TET1: variants seen among roughly 807,000 people sequenced by gnomAD.
TET1 encodes tet methylcytosine dioxygenase 1.
A neutral mutation model predicts 148.7 loss-of-function variants in TET1; 13 were observed. That is an observed-to-expected ratio of 0.09 (90% CI 0.06 to 0.14). The LOEUF (loss-of-function observed/expected upper bound fraction) is 0.14, where lower values mean the gene tolerates loss of function less well. Ranked by LOEUF, TET1 falls within the 10% of genes least tolerant of loss-of-function variation. The pLI is 1.00. For synonymous variants in TET1, 907 were observed against 937.2 expected (o/e 0.97, Z 0.59); for missense variants, 2,182 against 2,553.8 (o/e 0.85, Z 3.14).
At chr10:68,614,707 C>G (rs996544918) in intron 3 of TET1, among the ~76,000 whole-genome samples, 20 of 152,108 alleles carry the variant, frequency 1.3e-4, no homozygotes, top group African/African-American at 4.1e-4. Flanking sequence ...AGTTCTCGTG[C>G]CTGAGTCTCT....
chr10:68,657,222 G>A (rs908494809), intron 6 of TET1, among the ~76,000 whole-genome samples: 16 of 151,900 alleles, frequency 1.1e-4, no homozygotes, highest in Non-Finnish European at 1.8e-4. Flanking sequence ...TGTCGCCCAG[G>A]CTGGAGTGCA....
Position 68,645,154 on chromosome 10 carries a change from A to T in TET1, c.2425A>T (p.Thr809Ser), listed in dbSNP as rs766431300. ...TAAAAACGCTATGAGCTCTGTTGCTACTGATATGAGTTGTGATCATCTCAA... is the reference window on the plus strand; with the variant it reads ...TAAAAACGCTATGAGCTCTGTTGCTTCTGATATGAGTTGTGATCATCTCAA... ...NHKNAMSSVA[T>S]DMSCDHLKGR... The change falls in exon 4 of 12, where the codon ACT becomes TCT. Residue 809 changes from threonine (T) to serine (S), a missense_variant. This residue lies in a region of TET1 where 226 missense variants were observed against 307.4 expected (regional missense o/e 0.74). Transcript: ENST00000373644. The T allele has an allele frequency of 2.5e-5, 40 of 1,614,054 alleles. No individual in the cohort carries two copies. Among genetic ancestry groups the T allele is most frequent in the Non-Finnish European group, 3.4e-5 (40 of 1,179,982 alleles).
intron 3 of TET1, among the ~76,000 whole-genome samples, chr10:68,637,287 G>A (rs1046127352): frequency 2.0e-5 from 3 of 151,886 alleles, no homozygotes; most frequent in African/African-American, 7.3e-5. Context: ...ACTGCTCCTG[G>A]CCAGCTTTCT....
chr10:68,644,403 A>G (rs7909781), intron 3 of TET1, among the ~76,000 whole-genome samples: 29,608 of 151,890 alleles, frequency 0.19, 3,683 homozygotes, highest in African/African-American at 0.35. Flanking sequence ...ACTGGGTTTC[A>G]CCATCTTGCT....
At position 68,690,869 on chromosome 10, in the gene TET1, A is replaced by T; in HGVS notation, c.5466A>T (p.Leu1822Phe). 1 of 1,614,126 alleles carries T rather than the reference A, an allele frequency of 6.2e-7. No individual in the cohort carries two copies. The highest frequency in any genetic ancestry group is 1.7e-5 in the Admixed American group (1 of 60,016). ...VKSETEPHFI[L>F]KSSDNTKTYS... is the part of the protein sequence containing the mutation. ...GTGAAACCGAACCCCATTTTATCTT[A>T]AAAAGTTCAGACAACACTAAAACTT... The change falls in exon 12 of 12, where the codon TTA becomes TTT. Residue 1822 changes from leucine to phenylalanine, a missense_variant. Leu to Phe is a conservative substitution (Grantham distance 22). Transcript: ENST00000373644.
intron 6 of TET1, among the ~76,000 whole-genome samples, chr10:68,657,688 G>A (rs2055045676): frequency 6.6e-6 from 1 of 152,086 alleles, no homozygotes; most frequent in Admixed American, 6.6e-5. Flanking sequence ...GAAATAGTAT[G>A]GCTATGGTAT....
intron 8 of TET1, among the ~76,000 whole-genome samples, chr10:68,679,241 A>G (rs1249765307): frequency 6.6e-6 from 1 of 152,166 alleles, no homozygotes; most frequent in Non-Finnish European, 1.5e-5. Flanking sequence ...ACAAACTATG[A>G]GTTGCTTCTA....
chr10:68,564,156 CT>C (rs775525720), intron 1 of TET1, among the ~76,000 whole-genome samples: 311 of 137,812 alleles, frequency 2.3e-3, no homozygotes, highest in Non-Finnish European at 2.6e-3. Context: ...CTATTGTTTT[CT>C]TTTTTTTTTT....
intron 11 of TET1, among the ~76,000 whole-genome samples, chr10:68,689,428 C>A (rs545612874): frequency 6.6e-6 from 1 of 152,140 alleles, no homozygotes. Flanking sequence ...AGGGGCTAGG[C>A]GTGGTGGCTC....
At chr10:68,640,330 C>T (rs1222043627) in intron 3 of TET1, among the ~76,000 whole-genome samples, 1 of 151,200 alleles carries the variant, frequency 6.6e-6, no homozygotes, top group Non-Finnish European at 1.5e-5. Context: ...GTGGCTCAAT[C>T]TCGGCTCACT....
At chr10:68,680,730 C>T (rs948398597) in intron 8 of TET1, among the ~76,000 whole-genome samples, 2 of 152,212 alleles carry the variant, frequency 1.3e-5, no homozygotes, top group Non-Finnish European at 2.9e-5. Flanking sequence ...TAATGGTCCT[C>T]ATAGTCCTTC....
At chr10:68,643,638 T>C (rs955366586) in intron 3 of TET1, among the ~76,000 whole-genome samples, 1 of 151,826 alleles carries the variant, frequency 6.6e-6, no homozygotes, top group Non-Finnish European at 1.5e-5. Flanking sequence ...CTGGCCAACA[T>C]TGTGAAACCC....
Position 68,573,437 on chromosome 10 carries a change from C to G in TET1, c.1099C>G (p.Gln367Glu). ...EVSDTTSFLGQAFGAIPHQWE... is the reference protein window; with the variant it reads ...EVSDTTSFLGEAFGAIPHQWE... ...TTCTGATACCACCTCTTTCCTAGGA[C>G]AGGCCTTTGGTGCTATCCCACATCA... Residue 367 changes from glutamine to glutamate, a missense_variant, in exon 2 of 12, where the codon CAG becomes GAG. This residue lies in a region of TET1 where 665 missense variants were observed against 672.4 expected (regional missense o/e 0.99). Transcript: ENST00000373644. 6.2e-7 allele frequency: 1 copy of G among 1,614,206 alleles called. No homozygotes were observed. The highest frequency in any genetic ancestry group is 8.5e-7 in the Non-Finnish European group (1 of 1,180,036).
chr10:68,614,130 T>G (rs1420117176), intron 3 of TET1, among the ~76,000 whole-genome samples: 1 of 152,192 alleles, frequency 6.6e-6, no homozygotes, highest in East Asian at 1.9e-4. Context: ...CATGAGAAAT[T>G]TAATCCACCT....
intron 2 of TET1, among the ~76,000 whole-genome samples, chr10:68,599,074 T>A (rs2054021933): frequency 6.6e-6 from 1 of 152,192 alleles, no homozygotes; most frequent in Non-Finnish European, 1.5e-5. Context: ...AAACAACGCA[T>A]GCCGGACTTC....
At chr10:68,652,845 A>ATTTTTTTTTTTTTT (rs71019047) in intron 6 of TET1, among the ~76,000 whole-genome samples, 2 of 101,214 alleles carry the variant, frequency 2.0e-5, no homozygotes, top group Non-Finnish European at 3.7e-5. Context: ...AACCCGGCTA[A>ATTTTTTTTTTTTTT]TTTTTTTTTT....
At chr10:68,640,763 G>C (rs1379588176) in intron 3 of TET1, among the ~76,000 whole-genome samples, 2 of 151,050 alleles carry the variant, frequency 1.3e-5, no homozygotes, top group Non-Finnish European at 1.5e-5. Context: ...ATGTTAGCCA[G>C]GATGGTCTCT....
chr10:68,565,843 A>G (rs1366146708), intron 1 of TET1, among the ~76,000 whole-genome samples: 2 of 151,936 alleles, frequency 1.3e-5, no homozygotes, highest in Non-Finnish European at 2.9e-5. Context: ...GTTGTCTCTG[A>G]TTCTTTGGCT....
chr10:68,593,230 CAAAAAAAAAAA>C (rs576381158), intron 2 of TET1, among the ~76,000 whole-genome samples: 14 of 43,184 alleles, frequency 3.2e-4, no homozygotes, highest in Non-Finnish European at 6.3e-4. Context: ...AACTCTGTCT[CAAAAAAAAAAA>C]AAAAAAAAAA....
Sources: allele counts gnomAD v4.1 joint callset (sites outside exome capture counted in the v4.1 genomes callset), GRCh38; gene constraint gnomAD v4.1.1; regional missense constraint gnomAD v4.1.1; transcripts MANE v1.5; gene names NCBI Gene and HGNC (gene_info 2026-07-23, HGNC 2026-07-21).